ALMS1: variants seen among roughly 807,000 people sequenced by gnomAD.
ALMS1 encodes the protein ALMS1 centrosome and basal body associated protein.
In ALMS1, 271 loss-of-function variants were observed where a neutral mutation model predicts 352.2. The ratio of observed to expected loss-of-function variants is 0.77; its 90% confidence interval spans 0.70 to 0.85. The LOEUF (loss-of-function observed/expected upper bound fraction) is 0.85. Among genes scored for constraint, ALMS1 ranks in the 40% least tolerant of loss-of-function variants. ALMS1 has a pLI of 0.00. For missense variants in ALMS1, 5,445 were observed against 4,870.7 expected, an observed-to-expected ratio of 1.12 and a Z score of -3.51; for synonymous variants, 1,865 against 1,761.2, an observed-to-expected ratio of 1.06 and a Z score of -1.48.
intron 9 of ALMS1, among the ~76,000 whole-genome samples, chr2:73,486,047 C>T (rs894330971): frequency 6.6e-6 from 1 of 152,054 alleles, no homozygotes; most frequent in African/African-American, 2.4e-5. Flanking sequence ...GTGGCTCACG[C>T]TGGGAGCTGT....
chr2:73,491,240 C>T lies in ALMS1; in HGVS notation c.9281C>T (p.Ser3094Leu), dbSNP rs368970124. ...GACTTACATACTGTATCTTCGAGAT[C>T]ACTGGAACCAACCTCCAAATTATTG... ...NFDLHTVSSR[S>L]LEPTSKLLTS... The change falls in exon 10 of 23, where the codon TCA (serine) becomes TTA (leucine). Residue 3094 changes from serine to leucine, a missense_variant. Physicochemically the swap from Ser to Leu is moderately radical, Grantham distance 145. Coordinates refer to ENST00000613296, the MANE Select transcript of ALMS1 (RefSeq NM_001378454.1). 11 of 1,613,938 alleles carry T rather than the reference C, an allele frequency of 6.8e-6. No homozygotes were observed. The highest frequency in any genetic ancestry group is 9.3e-6 in the Non-Finnish European group (11 of 1,179,980).
At chr2:73,500,185 A>G (rs566392869) in intron 10 of ALMS1, among the ~76,000 whole-genome samples, 36 of 152,316 alleles carry the variant, frequency 2.4e-4, no homozygotes, top group Non-Finnish European at 4.7e-4. Context: ...TTTAAATGCC[A>G]TAGAGAATGT....
At chr2:73,393,721 C>G (rs1670699414) in intron 1 of ALMS1, among the ~76,000 whole-genome samples, 1 of 152,126 alleles carries the variant, frequency 6.6e-6, no homozygotes, top group African/African-American at 2.4e-5. Context: ...TCTTAGTACC[C>G]TTGTAGAAAA....
At chr2:73,521,146 A>T (rs1441547420) in intron 11 of ALMS1, among the ~76,000 whole-genome samples, 2 of 152,144 alleles carry the variant, frequency 1.3e-5, no homozygotes. Context: ...GCATACCAAA[A>T]ATATATATAT....
At chr2:73,487,342 G>C (rs558102268) in intron 9 of ALMS1, among the ~76,000 whole-genome samples, 1 of 152,312 alleles carries the variant, frequency 6.6e-6, no homozygotes, top group East Asian at 1.9e-4. Flanking sequence ...AGGGCAGGCA[G>C]CTCCAGTGCT....
chr2:73,489,859 G>C lies in ALMS1; in HGVS notation c.7900G>C (p.Asp2634His). 6.2e-7 allele frequency: 1 copy of C among 1,614,158 alleles called. No homozygotes were observed. Among genetic ancestry groups the C allele is most frequent in the African/African-American group, 1.3e-5 (1 of 75,044 alleles). The change falls in exon 10 of 23, where the codon GAC becomes CAC. Residue 2634 changes from aspartate to histidine, a missense_variant. By Grantham distance (81) the Asp-to-His change is moderately conservative. Coordinates refer to ENST00000613296, the MANE Select transcript of ALMS1 (RefSeq NM_001378454.1). Reference protein sequence around the residue: ...AKHVNLSASLDQNNSHFKVWN... With the variant: ...AKHVNLSASLHQNNSHFKVWN... ...GCATGTCAACCTTTCTGCATCCTTA[G>C]ACCAGAACAACTCCCATTTCAAAGT...
chr2:73,586,997 G>GTT lies in ALMS1; in HGVS notation c.11548-12396_11548-12395dup, dbSNP rs879888816. ...GTTAGGTATATTCCTAAGGTTTTGT[G>GTT]TTTTTTTTTGTTTGTTTGTTTATTT... On this transcript the variant is annotated intron_variant, in intron 16 of 22. Transcript: ENST00000613296. Among the ~76,000 whole-genome samples, 571 of 143,502 alleles carry GTT rather than the reference G, an allele frequency of 4.0e-3. 4 individuals are homozygous for GTT. Among genetic ancestry groups the GTT allele is most frequent in the African/African-American group, 0.012 (465 of 39,708 alleles). The allele number at this position is 143,502 out of a possible 152,430, so 94.1% of individuals were successfully genotyped here.
chr2:73,541,634 GAAGAA>G (rs950814872), intron 12 of ALMS1, among the ~76,000 whole-genome samples: 43 of 152,076 alleles, frequency 2.8e-4, no homozygotes, highest in Non-Finnish European at 5.9e-5. Context: ...GACTAATAAA[GAAGAA>G]AAGAGAGAAG....
chr2:73,439,441 C>A (rs1324833886), intron 7 of ALMS1, among the ~76,000 whole-genome samples: 1 of 152,070 alleles, frequency 6.6e-6, no homozygotes, highest in Non-Finnish European at 1.5e-5. Context: ...CTTTTAGTTT[C>A]AACCTTACTA....
chr2:73,473,329 C>G (rs187695143), intron 9 of ALMS1, among the ~76,000 whole-genome samples: 1 of 151,894 alleles, frequency 6.6e-6, no homozygotes, highest in Non-Finnish European at 1.5e-5. Context: ...TAGTAGTTGA[C>G]CCTGAAGCTA....
At chr2:73,494,099 A>ATTATG (rs1430008983) in intron 10 of ALMS1, among the ~76,000 whole-genome samples, 1 of 152,184 alleles carries the variant, frequency 6.6e-6, no homozygotes, top group Non-Finnish European at 1.5e-5. Flanking sequence ...TTGATTCTAT[A>ATTATG]AGGCACTCAT....
At chr2:73,465,102 A>G (rs1477545947) in intron 9 of ALMS1, among the ~76,000 whole-genome samples, 1 of 152,226 alleles carries the variant, frequency 6.6e-6, no homozygotes, top group Non-Finnish European at 1.5e-5. Context: ...CCATCAAGCT[A>G]CCGGTGACTT....
intron 10 of ALMS1, among the ~76,000 whole-genome samples, chr2:73,494,797 A>G (rs1040238020): frequency 1.3e-5 from 2 of 152,222 alleles, no homozygotes; most frequent in Non-Finnish European, 2.9e-5. Flanking sequence ...TCTCCACTGT[A>G]AGGTTATTGT....
chr2:73,560,299 C>T (rs977872018), intron 15 of ALMS1, among the ~76,000 whole-genome samples: 2 of 151,832 alleles, frequency 1.3e-5, no homozygotes, highest in African/African-American at 4.8e-5. Flanking sequence ...AAAAAGATGC[C>T]CAATCTCTCT....
rs759950844 is a variant in ALMS1 at position 73,453,975 on chromosome 2, T to A, written c.7448T>A (p.Val2483Glu). The change falls in exon 8 of 23, where the codon GTG (valine) becomes GAG (glutamate). Residue 2483 changes from valine (V) to glutamate (E), a missense_variant. Val to Glu is a moderately radical substitution (Grantham distance 121, BLOSUM62 -2). Coordinates refer to ENST00000613296, the MANE Select transcript of ALMS1 (RefSeq NM_001378454.1). ...GSSVDSLAAH[V>E]KNLLQCESSL... ...AGTGTAGATTCACTGGCTGCACATG[T>A]GAAAAACCTTCTGCAATGTGAATCC... 42 of 1,613,822 alleles carry A rather than the reference T, an allele frequency of 2.6e-5. No homozygotes were observed. The highest frequency in any genetic ancestry group is 3.6e-5 in the Non-Finnish European group (42 of 1,179,960).
chr2:73,387,157 AG>A (rs1670557326), intron 1 of ALMS1, among the ~76,000 whole-genome samples: 1 of 152,164 alleles, frequency 6.6e-6, no homozygotes, highest in Non-Finnish European at 1.5e-5. Flanking sequence ...GTCACTAATG[AG>A]CAGTAGTTGT....
rs781743481 is a variant in ALMS1, at chr2:73,491,357, C to G, written c.9398C>G (p.Pro3133Arg). 2.5e-6 allele frequency: 4 copies of G among 1,614,158 alleles called. No individual in the cohort carries two copies. The highest frequency in any genetic ancestry group is 3.4e-6 in the Non-Finnish European group (4 of 1,180,004). Residue 3133 changes from proline to arginine, a missense_variant, in exon 10 of 23, where the codon CCA becomes CGA. Physicochemically the swap from Pro to Arg is moderately radical, Grantham distance 103. Coordinates refer to ENST00000613296, the MANE Select transcript of ALMS1 (RefSeq NM_001378454.1). ...TTCCAAGTCGTACAGCCTTCTCTTC[C>G]AGACAGTAACACTATTACTCAGGAC... ...LDFQVVQPSLPDSNTITQDLK... is the reference protein window; with the variant it reads ...LDFQVVQPSLRDSNTITQDLK...
At chr2:73,606,645 A>G (rs749982252) in intron 21 of ALMS1, among the ~76,000 whole-genome samples, 2 of 152,170 alleles carry the variant, frequency 1.3e-5, no homozygotes, top group Non-Finnish European at 2.9e-5. Context: ...CCTCTTTTCA[A>G]GGGAGTGATC....
Position 73,491,462 on chromosome 2 carries a change from A to G in ALMS1, c.9503A>G (p.His3168Arg), listed in dbSNP as rs1672985707. 1.2e-6 allele frequency: 2 copies of G among 1,614,130 alleles called. No individual in the cohort carries two copies. The highest frequency in any genetic ancestry group is 2.2e-5 in the East Asian group (1 of 44,886). Reference sequence around the variant, plus strand: ...GTGAACATTTCAGATTTCGAAGGACATTCCAATCCAGAGGGGACCCCAGTA... The same window carrying G: ...GTGAACATTTCAGATTTCGAAGGACGTTCCAATCCAGAGGGGACCCCAGTA... Reference protein sequence around the residue: ...IQVNISDFEGHSNPEGTPVFA... With the variant: ...IQVNISDFEGRSNPEGTPVFA... The change falls in exon 10 of 23, where the codon CAT (histidine) becomes CGT (arginine). Residue 3168 changes from histidine (H) to arginine (R), a missense_variant. His to Arg is a conservative substitution (Grantham distance 29). Transcript: ENST00000613296.
Sources: gnomAD v4.1 joint callset for allele counts (sites outside exome capture counted in the v4.1 genomes callset) on GRCh38, gnomAD v4.1.1 for gene constraint, MANE v1.5 for transcripts, NCBI Gene and HGNC (gene_info 2026-07-23, HGNC 2026-07-21) for gene names.